Variants in ACOXL observed in about 807,000 individuals in gnomAD.
The protein encoded by ACOXL is acyl-coenzyme A oxidase-like protein.
A neutral mutation model predicts 71.9 loss-of-function variants in ACOXL; 70 were observed. The ratio of observed to expected loss-of-function variants is 0.97; its 90% confidence interval spans 0.80 to 1.19. ACOXL has a LOEUF of 1.19. Among genes scored for constraint, ACOXL ranks in the 50% most tolerant of loss-of-function variants. The probability of loss-of-function intolerance (pLI) is 0.00; values close to 1 mark genes in which losing one functional copy is unlikely to be tolerated. For missense variants in ACOXL, 703 were observed against 736.3 expected (o/e 0.95, Z 0.52); for synonymous variants, 253 against 281.6 (o/e 0.90, Z 1.02).
At chr2:110,886,720 G>T (rs1293094737) in intron 10 of ACOXL, 2 of 1,547,798 alleles carry the variant, frequency 1.3e-6, no homozygotes, top group Non-Finnish European at 1.7e-6. Flanking sequence ...CCTTTGACTG[G>T]AGTTAGCCTT....
chr2:110,736,296 A>G (rs908457072), intron 1 of ACOXL, among the ~76,000 whole-genome samples: 1 of 152,186 alleles, frequency 6.6e-6, no homozygotes, highest in African/African-American at 2.4e-5. Flanking sequence ...GTGCGTTCAC[A>G]TTGTTGTGCA....
intron 9 of ACOXL, among the ~76,000 whole-genome samples, chr2:110,821,077 T>A (rs576481195): frequency 1.3e-5 from 2 of 152,284 alleles, no homozygotes; most frequent in African/African-American, 4.8e-5. Flanking sequence ...TTGTACCTCA[T>A]AAGTTCTACC....
intron 1 of ACOXL, among the ~76,000 whole-genome samples, chr2:110,763,892 C>G (rs1680709071): frequency 2.0e-5 from 3 of 152,154 alleles, no homozygotes; most frequent in African/African-American, 7.2e-5. Context: ...AAGACCTTAA[C>G]AGACACCTCA....
intron 12 of ACOXL, among the ~76,000 whole-genome samples, chr2:110,970,383 G>A (rs2200210): frequency 0.13 from 19,759 of 152,142 alleles, 2,074 homozygotes; most frequent in African/African-American, 0.29. Flanking sequence ...GACTAAAGGC[G>A]AAAAAGTCAC....
At chr2:110,991,731 T>A (rs2063183086) in intron 13 of ACOXL, among the ~76,000 whole-genome samples, 1 of 152,310 alleles carries the variant, frequency 6.6e-6, no homozygotes, top group East Asian at 1.9e-4. Context: ...TTATTCAAAC[T>A]GTGGTCCATC....
intron 11 of ACOXL, among the ~76,000 whole-genome samples, chr2:110,910,578 A>C (rs2059617502): frequency 1.3e-5 from 2 of 152,194 alleles, no homozygotes; most frequent in Non-Finnish European, 2.9e-5. Flanking sequence ...GCAACATGTG[A>C]GAGTTTCAGT....
chr2:110,802,229 A>G (rs1325569266), intron 8 of ACOXL, among the ~76,000 whole-genome samples: 1 of 151,884 alleles, frequency 6.6e-6, no homozygotes, highest in African/African-American at 2.4e-5. Flanking sequence ...CCCCCCTGCC[A>G]TTACAAACAG....
chr2:110,893,035 G>A (rs1012134406), intron 10 of ACOXL, among the ~76,000 whole-genome samples: 2 of 152,066 alleles, frequency 1.3e-5, no homozygotes, highest in Non-Finnish European at 2.9e-5. Context: ...AAACCACAGA[G>A]TAACATAGGC....
At chr2:110,981,804 C>G (rs185185374) in intron 12 of ACOXL, among the ~76,000 whole-genome samples, 1 of 152,178 alleles carries the variant, frequency 6.6e-6, no homozygotes, top group South Asian at 2.1e-4. Flanking sequence ...ATAGGCTGAT[C>G]TCTCTATCTG....
chr2:110,965,089 G>A (rs1483677177), intron 12 of ACOXL, among the ~76,000 whole-genome samples: 2 of 152,014 alleles, frequency 1.3e-5, no homozygotes, highest in East Asian at 3.9e-4. Context: ...TTGTGTTTCT[G>A]TGCCTGACTT....
intron 1 of ACOXL, among the ~76,000 whole-genome samples, chr2:110,761,234 T>G (rs1680367251): frequency 6.6e-6 from 1 of 152,224 alleles, no homozygotes; most frequent in South Asian, 2.1e-4. Flanking sequence ...AATTTATTCT[T>G]TTTTCTTTAA....
At chr2:110,838,799 T>G (rs1401049129) in intron 9 of ACOXL, among the ~76,000 whole-genome samples, 1 of 152,224 alleles carries the variant, frequency 6.6e-6, no homozygotes, top group Non-Finnish European at 1.5e-5. Context: ...AATACCCTGT[T>G]CCCATCCACC....
intron 11 of ACOXL, among the ~76,000 whole-genome samples, chr2:110,929,089 C>T (rs1386992833): frequency 6.6e-6 from 1 of 152,084 alleles, no homozygotes; most frequent in Non-Finnish European, 1.5e-5. Context: ...TATCCAGTGA[C>T]TTTGAAACTG....
At chr2:111,074,078 T>C (rs1045260391) in intron 16 of ACOXL, among the ~76,000 whole-genome samples, 1 of 152,160 alleles carries the variant, frequency 6.6e-6, no homozygotes, top group East Asian at 1.9e-4. Flanking sequence ...AATGTTTTAA[T>C]GTATTGACCT....
chr2:110,745,273 A>G (rs1678056729), intron 1 of ACOXL, among the ~76,000 whole-genome samples: 2 of 152,206 alleles, frequency 1.3e-5, no homozygotes, highest in African/African-American at 4.8e-5. Flanking sequence ...CACATGTGCA[A>G]CAGCTCAGCA....
chr2:111,029,634 G>GC, intron 14 of ACOXL, among the ~76,000 whole-genome samples: 1 of 152,326 alleles, frequency 6.6e-6, no homozygotes, highest in East Asian at 1.9e-4. Flanking sequence ...TTCTAGGAAT[G>GC]CTGCCTTTCC....
intron 15 of ACOXL, among the ~76,000 whole-genome samples, chr2:111,042,545 A>G (rs1288426924): frequency 6.6e-6 from 1 of 152,220 alleles, no homozygotes; most frequent in African/African-American, 2.4e-5. Flanking sequence ...TGGAGGTGGC[A>G]GAGTGAAGGG....
At chr2:110,820,560 G>A (rs1688469714) in intron 9 of ACOXL, among the ~76,000 whole-genome samples, 2 of 152,022 alleles carry the variant, frequency 1.3e-5, no homozygotes, top group Non-Finnish European at 2.9e-5. Flanking sequence ...GAGGGAGTGG[G>A]GGTGGGGCTG....
At chr2:111,112,579 G>A (rs1412890431) in intron 17 of ACOXL, among the ~76,000 whole-genome samples, 2 of 152,252 alleles carry the variant, frequency 1.3e-5, no homozygotes, top group African/African-American at 4.8e-5. Context: ...TGAGCGAGGA[G>A]GAGATAAGCC....
Sources: gnomAD v4.1 joint callset for allele counts (sites outside exome capture counted in the v4.1 genomes callset) on GRCh38, gnomAD v4.1.1 for gene constraint, MANE v1.5 for transcripts, NCBI Gene and HGNC (gene_info 2026-07-23, HGNC 2026-07-21) for gene names.